TMEM132D: variants seen among roughly 807,000 people sequenced by gnomAD.
The protein encoded by TMEM132D is mature OL transmembrane protein.
Under a neutral mutation model 62.3 loss-of-function variants are expected in TMEM132D, and 21 were observed. The ratio of observed to expected loss-of-function variants is 0.34; its 90% CI spans 0.24 to 0.49. TMEM132D has a LOEUF of 0.49. TMEM132D is among the 20% of genes least tolerant of loss of function. The probability of loss-of-function intolerance (pLI) is 0.99; values close to 1 mark genes in which losing one functional copy is unlikely to be tolerated. For synonymous variants in TMEM132D, 621 were observed against 575.6 expected (o/e 1.08, Z -1.13); for missense variants, 1,346 against 1,402.8 (o/e 0.96, Z 0.65).
At chr12:129,728,966 T>C (rs1869128750) in intron 1 of TMEM132D, among the ~76,000 whole-genome samples, 1 of 152,112 alleles carries the variant, frequency 6.6e-6, no homozygotes, top group African/African-American at 2.4e-5. Flanking sequence ...CTTTGCGGGG[T>C]GTTATTTAAA....
At chr12:129,166,047 G>C (rs1372193356) in intron 5 of TMEM132D, among the ~76,000 whole-genome samples, 3 of 152,216 alleles carry the variant, frequency 2.0e-5, no homozygotes, top group South Asian at 4.1e-4. Flanking sequence ...GGTGATGAAA[G>C]TCAGGTTCAG....
intron 4 of TMEM132D, among the ~76,000 whole-genome samples, chr12:129,266,830 A>C (rs529950709): frequency 1.3e-5 from 2 of 152,210 alleles, no homozygotes; most frequent in Non-Finnish European, 2.9e-5. Context: ...TGTCTCTGCT[A>C]TCACCACCCA....
intron 3 of TMEM132D, among the ~76,000 whole-genome samples, chr12:129,421,507 A>G (rs1165733525): frequency 3.3e-5 from 5 of 152,148 alleles, no homozygotes; most frequent in African/African-American, 9.7e-5. Context: ...AGATGCTCCT[A>G]AACATGTTTC....
intron 5 of TMEM132D, among the ~76,000 whole-genome samples, chr12:129,122,891 G>C (rs916544004): frequency 2.0e-5 from 3 of 152,124 alleles, no homozygotes; most frequent in Non-Finnish European, 2.9e-5. Context: ...ATGACAAACT[G>C]GTTATGGTGA....
intron 1 of TMEM132D, among the ~76,000 whole-genome samples, chr12:129,841,606 T>C (rs1873196384): frequency 6.6e-6 from 1 of 152,196 alleles, no homozygotes; most frequent in African/African-American, 2.4e-5. Flanking sequence ...AACTCTTTCT[T>C]AAACTTTTGC....
chr12:129,087,688 T>C (rs773266592), intron 5 of TMEM132D, among the ~76,000 whole-genome samples: 2 of 152,210 alleles, frequency 1.3e-5, no homozygotes, highest in African/African-American at 2.4e-5. Context: ...GACACCTTGA[T>C]GTCGGCCCAG....
intron 1 of TMEM132D, among the ~76,000 whole-genome samples, chr12:129,731,499 T>C (rs953829682): frequency 6.6e-6 from 1 of 151,968 alleles, no homozygotes; most frequent in Non-Finnish European, 1.5e-5. Flanking sequence ...AGGGAGGAAG[T>C]AACCAAGGGC....
At chr12:129,207,637 G>A (rs1256385313) in intron 5 of TMEM132D, among the ~76,000 whole-genome samples, 1 of 152,180 alleles carries the variant, frequency 6.6e-6, no homozygotes, top group Non-Finnish European at 1.5e-5. Flanking sequence ...GGCCAGAGTG[G>A]AGGCAGCCAG....
chr12:129,280,935 G>A (rs1881127076), intron 4 of TMEM132D, among the ~76,000 whole-genome samples: 1 of 151,442 alleles, frequency 6.6e-6, no homozygotes, highest in Admixed American at 6.6e-5. Flanking sequence ...CTCTTGGTGG[G>A]CTGGTAATAT....
At position 129,119,394 on chromosome 12, in the gene TMEM132D, C is replaced by T. The variant is rs113873286; in HGVS notation, c.1444-34692G>A. On this transcript the variant is annotated intron_variant, in intron 5 of 8. Coordinates refer to ENST00000422113, the MANE Select transcript of TMEM132D (RefSeq NM_133448.3). ...AACCTGGGTGTCCACCAGTGAATAA[C>T]GGGATTAGAAATCTAGTGCGTATGG... 2.3e-3 allele frequency among the ~76,000 whole-genome samples: 354 copies of T among 152,224 alleles called. 4 individuals are homozygous for T. The highest frequency in any genetic ancestry group is 7.9e-3 in the African/African-American group (330 of 41,542).
intron 3 of TMEM132D, among the ~76,000 whole-genome samples, chr12:129,376,743 G>C (rs1870791888): frequency 6.6e-6 from 1 of 152,174 alleles, no homozygotes; most frequent in African/African-American, 2.4e-5. Flanking sequence ...AAGTGGAAGT[G>C]GTTAGGCTTC....
chr12:129,711,279 G>A (rs1030592382), intron 1 of TMEM132D, among the ~76,000 whole-genome samples: 5 of 152,252 alleles, frequency 3.3e-5, no homozygotes, highest in South Asian at 2.1e-4. Flanking sequence ...TCCTCTCTGC[G>A]TTTCACATCT....
chr12:129,554,139 A>G (rs906302299), intron 2 of TMEM132D, among the ~76,000 whole-genome samples: 9 of 152,034 alleles, frequency 5.9e-5, no homozygotes, highest in East Asian at 1.9e-4. Context: ...CTATTCCTTA[A>G]AACAGTGGTG....
intron 1 of TMEM132D, among the ~76,000 whole-genome samples, chr12:129,813,802 T>C (rs1049422295): frequency 1.3e-5 from 2 of 151,662 alleles, no homozygotes; most frequent in African/African-American, 4.8e-5. Flanking sequence ...GCCTAGAAAA[T>C]TCAAAGTAAC....
At chr12:129,121,149 G>A (rs1876046591) in intron 5 of TMEM132D, among the ~76,000 whole-genome samples, 1 of 152,030 alleles carries the variant, frequency 6.6e-6, no homozygotes, top group Admixed American at 6.5e-5. Context: ...AGGCTGGAGT[G>A]CAATGGCACA....
chr12:129,893,516 A>G (rs1875001683), intron 1 of TMEM132D, among the ~76,000 whole-genome samples: 1 of 151,956 alleles, frequency 6.6e-6, no homozygotes, highest in Non-Finnish European at 1.5e-5. Flanking sequence ...TTCTTTCAAA[A>G]GACAGACATC....
intron 5 of TMEM132D, among the ~76,000 whole-genome samples, chr12:129,095,138 T>A (rs994879626): frequency 8.6e-5 from 13 of 151,800 alleles, no homozygotes; most frequent in Non-Finnish European, 1.8e-4. Flanking sequence ...CATATGTAAC[T>A]AACCTGCATG....
intron 5 of TMEM132D, among the ~76,000 whole-genome samples, chr12:129,195,319 T>C (rs1410334674): frequency 6.6e-6 from 1 of 151,156 alleles, no homozygotes; most frequent in Non-Finnish European, 1.5e-5. Flanking sequence ...TTGCAGGAAA[T>C]GAGGTGAGGA....
intron 5 of TMEM132D, among the ~76,000 whole-genome samples, chr12:129,180,899 C>T (rs1035643061): frequency 6.6e-6 from 1 of 151,748 alleles, no homozygotes; most frequent in African/African-American, 2.4e-5. Context: ...GCCTTCCGGG[C>T]TACAGAGAGG....
Sources: gnomAD v4.1 joint callset for allele counts (sites outside exome capture counted in the v4.1 genomes callset) on GRCh38, gnomAD v4.1.1 for gene constraint, MANE v1.5 for transcripts, NCBI Gene and HGNC (gene_info 2026-07-23, HGNC 2026-07-21) for gene names.